PCDH15: variants seen among roughly 807,000 people sequenced by gnomAD.
PCDH15 encodes protocadherin-15.
Under a neutral mutation model 178.5 loss-of-function variants are expected in PCDH15, and 129 were observed. The ratio of observed to expected loss-of-function variants is 0.72; its 90% CI spans 0.63 to 0.84. The LOEUF (loss-of-function observed/expected upper bound fraction) is 0.84, where lower values mean the gene tolerates loss of function less well. Among genes scored for constraint, PCDH15 ranks in the 40% least tolerant of loss-of-function variants. The pLI is 0.00. For synonymous variants in PCDH15, 800 were observed against 732.0 expected, an observed-to-expected ratio of 1.09 and a Z score of -1.50; for missense variants, 2,230 against 2,099.9, an observed-to-expected ratio of 1.06 and a Z score of -1.21.
chr10:54,004,875 CA>C (rs2092327252), intron 20 of PCDH15, among the ~76,000 whole-genome samples: 2 of 141,400 alleles, frequency 1.4e-5, no homozygotes, highest in Admixed American at 7.0e-5. Context: ...AAAAAAAAAA[CA>C]CCTGGAGGAA....
At chr10:54,450,130 A>AAT (rs10526141) in intron 3 of PCDH15, among the ~76,000 whole-genome samples, 10,768 of 136,994 alleles carry the variant, frequency 0.079, 378 homozygotes, top group East Asian at 0.12. Context: ...CTTTTTTATA[A>AAT]ATATATATAT....
In PCDH15 at chr10:53,840,388, T is replaced by C. The variant is rs532894184; in HGVS notation, c.3915A>G (p.Lys1305=). The change falls in exon 29 of 38, where the codon AAA becomes AAG. Residue 1305 remains lysine (K), a synonymous_variant. Coordinates refer to ENST00000644397, the MANE Select transcript of PCDH15 (RefSeq NM_001384140.1). ...GDAFSLEDYT[K]CDLTVYAIDP... ...CAATTGCATAGACAGTCAAGTCACATTTGGTGTAATCTTCTAGGGAAAAGG... is the reference window on the plus strand; with the variant it reads ...CAATTGCATAGACAGTCAAGTCACACTTGGTGTAATCTTCTAGGGAAAAGG... 7 of 1,614,078 alleles carry C rather than the reference T, an allele frequency of 4.3e-6. No individual in the cohort carries two copies. Among genetic ancestry groups the C allele is most frequent in the Non-Finnish European group, 5.9e-6 (7 of 1,179,976 alleles).
chr10:54,765,986 T>A (rs1232405256), intron 1 of PCDH15, among the ~76,000 whole-genome samples: 1 of 152,152 alleles, frequency 6.6e-6, no homozygotes, highest in Admixed American at 6.6e-5. Context: ...TGATCTGTTG[T>A]CTAAATGGTA....
chr10:55,330,449 C>G (rs145884188), intron 2 of PCDH15, among the ~76,000 whole-genome samples: 1 of 151,932 alleles, frequency 6.6e-6, no homozygotes, highest in Non-Finnish European at 1.5e-5. Flanking sequence ...GGCACTGGCA[C>G]TGGTGATTAT....
At chr10:54,192,211 G>C (rs1386754361) in intron 11 of PCDH15, among the ~76,000 whole-genome samples, 1 of 148,806 alleles carries the variant, frequency 6.7e-6, no homozygotes, top group Non-Finnish European at 1.5e-5. Flanking sequence ...AGGAAGGAAG[G>C]AAAAAGAGAA....
At chr10:54,758,619 T>G (rs1272804295) in intron 1 of PCDH15, among the ~76,000 whole-genome samples, 1 of 152,180 alleles carries the variant, frequency 6.6e-6, no homozygotes, top group Non-Finnish European at 1.5e-5. Flanking sequence ...GTGGCTACTT[T>G]TTTCCTTTAA....
At chr10:55,582,625 T>TAC (rs1288255908) in intron 2 of PCDH15, among the ~76,000 whole-genome samples, 16 of 80,234 alleles carry the variant, frequency 2.0e-4, no homozygotes, top group Non-Finnish European at 3.6e-4. Flanking sequence ...TATATATATA[T>TAC]ATATTTTTTT....
intron 2 of PCDH15, among the ~76,000 whole-genome samples, chr10:55,543,440 G>A (rs1264790786): frequency 6.7e-6 from 1 of 149,852 alleles, no homozygotes; most frequent in East Asian, 2.0e-4. Context: ...ATATATAATA[G>A]TTGTTCATAG....
At chr10:54,201,906 C>A (rs1456296649) in intron 10 of PCDH15, among the ~76,000 whole-genome samples, 1 of 152,158 alleles carries the variant, frequency 6.6e-6, no homozygotes, top group Non-Finnish European at 1.5e-5. Flanking sequence ...ACATTCTTGC[C>A]AGTCTTATGA....
At chr10:54,207,277 G>A (rs1484275948) in intron 10 of PCDH15, among the ~76,000 whole-genome samples, 1 of 151,710 alleles carries the variant, frequency 6.6e-6, no homozygotes, top group Non-Finnish European at 1.5e-5. Flanking sequence ...ATTAATTTAG[G>A]CCAGTACTTA....
chr10:55,011,442 T>C (rs1171892983), intron 2 of PCDH15, among the ~76,000 whole-genome samples: 1 of 152,096 alleles, frequency 6.6e-6, no homozygotes, highest in African/African-American at 2.4e-5. Flanking sequence ...TAAAGTGCTA[T>C]GGAGTCTTTT....
At chr10:54,239,698 A>G (rs2055037880) in intron 8 of PCDH15, among the ~76,000 whole-genome samples, 1 of 152,096 alleles carries the variant, frequency 6.6e-6, no homozygotes, top group South Asian at 2.1e-4. Context: ...GGCTTTCACA[A>G]GTTTCTGCAA....
chr10:54,462,449 C>T (rs2077224001), intron 3 of PCDH15, among the ~76,000 whole-genome samples: 1 of 150,500 alleles, frequency 6.6e-6, no homozygotes, highest in Non-Finnish European at 1.5e-5. Flanking sequence ...CCAAGTTCTT[C>T]AGCTCCTATT....
chr10:54,439,223 A>G (rs1565279125), intron 3 of PCDH15, among the ~76,000 whole-genome samples: 1 of 152,108 alleles, frequency 6.6e-6, no homozygotes, highest in Non-Finnish European at 1.5e-5. Context: ...GCAAAATGTT[A>G]GTTGACATGT....
At chr10:55,357,072 G>A (rs1381893839) in intron 2 of PCDH15, among the ~76,000 whole-genome samples, 2 of 151,918 alleles carry the variant, frequency 1.3e-5, no homozygotes, top group African/African-American at 2.4e-5. Flanking sequence ...AGTTTGCTCT[G>A]TGAGCAAGAG....
chr10:54,105,137 C>A (rs1438894620), intron 15 of PCDH15, among the ~76,000 whole-genome samples: 4 of 150,958 alleles, frequency 2.6e-5, no homozygotes. Context: ...CCAGAAACCC[C>A]AAAACCAATG....
intron 3 of PCDH15, among the ~76,000 whole-genome samples, chr10:54,514,612 T>C (rs888257154): frequency 2.0e-5 from 3 of 150,754 alleles, no homozygotes; most frequent in East Asian, 1.9e-4. Context: ...AATTTTGAAA[T>C]TGGCTGAAAT....
chr10:55,227,356 C>T (rs1035641110), intron 1 of PCDH15, among the ~76,000 whole-genome samples: 1 of 152,014 alleles, frequency 6.6e-6, no homozygotes, highest in Non-Finnish European at 1.5e-5. Context: ...AAAAACTATT[C>T]GAAGATCTAC....
chr10:54,894,286 A>G (rs550874528), intron 3 of PCDH15, among the ~76,000 whole-genome samples: 1 of 152,284 alleles, frequency 6.6e-6, no homozygotes, highest in South Asian at 2.1e-4. Context: ...GTGGTTACTT[A>G]TAGAGTATAC....
Sources: allele counts gnomAD v4.1 joint callset (sites outside exome capture counted in the v4.1 genomes callset), GRCh38; gene constraint gnomAD v4.1.1; transcripts MANE v1.5; gene names NCBI Gene and HGNC (gene_info 2026-07-23, HGNC 2026-07-21).